The following HSD17B12 variants were observed in gnomAD, a reference collection of about 807,000 sequenced individuals.
HSD17B12 encodes hydroxysteroid 17-beta dehydrogenase 12, also known as very-long-chain 3-oxoacyl-CoA reductase.
Under a neutral mutation model 39.3 loss-of-function variants are expected in HSD17B12, and 32 were observed. That is an observed-to-expected ratio of 0.81 (90% CI 0.61 to 1.09). HSD17B12 has a LOEUF of 1.09. HSD17B12 is among the 50% of genes least tolerant of loss of function. HSD17B12 has a pLI of 0.00. For missense variants in HSD17B12, 342 were observed against 382.9 expected, an observed-to-expected ratio of 0.89 and a Z score of 0.89; for synonymous variants, 150 against 146.7, an observed-to-expected ratio of 1.02 and a Z score of -0.16.
chr11:43,692,444 G>T (rs1949871488), intron 1 of HSD17B12, among the ~76,000 whole-genome samples: 1 of 152,060 alleles, frequency 6.6e-6, no homozygotes, highest in South Asian at 2.1e-4. Context: ...GAATAGTATT[G>T]GTAACAGGCT....
chr11:43,680,926 C>T lies in HSD17B12; in HGVS notation c.99C>T (p.Ala33=), dbSNP rs371485299. The change falls in exon 1 of 11, where the codon GCC becomes GCT. Residue 33 remains alanine, a synonymous_variant. Transcript: ENST00000278353. ...ALRISYSLFT[A]LRVWGVGNEA... ...GTATTTCGTACTCGCTCTTCACGGC[C>T]CTCCGGGTCTGGGGAGTGGGGAATG... 9.7e-5 allele frequency: 157 copies of T among 1,613,486 alleles called. 3 individuals carry two copies. The highest frequency in any genetic ancestry group is 7.8e-4 in the South Asian group (71 of 91,062).
intron 1 of HSD17B12, among the ~76,000 whole-genome samples, chr11:43,748,421 G>A (rs970359009): frequency 6.6e-6 from 1 of 152,062 alleles, no homozygotes; most frequent in Admixed American, 6.6e-5. Flanking sequence ...GAGCACACGT[G>A]GAAATAAATA....
the HSD17B12 span, chr11:43,644,270 G>C: frequency 6.6e-6 from 1 of 152,338 alleles, no homozygotes; most frequent in Admixed American, 6.5e-5. Context: ...CCGAGGCAGG[G>C]AGTTGAGGGT....
rs567793363 is a variant in HSD17B12, at chr11:43,742,320, T to C, written c.161-8591T>C. ...ATTGGCTAATTTTCTTGAGTTTTTT[T>C]TTGTAGGATTGGGGTCTCGCTATGT... On this transcript the variant is annotated intron_variant, in intron 1 of 10. Coordinates refer to ENST00000278353, the MANE Select transcript of HSD17B12 (RefSeq NM_016142.3). Among the ~76,000 whole-genome samples the C allele has an allele frequency of 2.6e-5, 4 of 151,388 alleles. No homozygotes were observed. In the South Asian group the frequency reaches 8.3e-4, roughly 32 times the overall value.
At chr11:43,566,796 G>A in the HSD17B12 span, among the ~76,000 whole-genome samples, 2 of 152,200 alleles carry the variant, frequency 1.3e-5, 1 homozygote, top group Non-Finnish European at 2.9e-5. Context: ...CCAAAGTGCT[G>A]GGATTGCAGG....
At chr11:43,717,562 A>G (rs756223017) in intron 1 of HSD17B12, among the ~76,000 whole-genome samples, 1 of 152,008 alleles carries the variant, frequency 6.6e-6, no homozygotes, top group Non-Finnish European at 1.5e-5. Flanking sequence ...TCTATTCCAC[A>G]TGGTATTGGC....
At chr11:43,691,599 G>T (rs1400470784) in intron 1 of HSD17B12, among the ~76,000 whole-genome samples, 1 of 152,156 alleles carries the variant, frequency 6.6e-6, no homozygotes, top group African/African-American at 2.4e-5. Context: ...TCACTCTGGC[G>T]CAAGTTTAAT....
the HSD17B12 span, among the ~76,000 whole-genome samples, chr11:43,602,845 GAGTGTCCCCCTGTCAAGC>G: frequency 6.6e-6 from 1 of 151,944 alleles, no homozygotes; most frequent in Non-Finnish European, 1.5e-5. Context: ...ATCTGGGCCT[GAGTGTCCCCCTGTCAAGC>G]AGAAGTGATC....
intron 3 of HSD17B12, among the ~76,000 whole-genome samples, chr11:43,793,528 G>T (rs942508346): frequency 2.6e-5 from 4 of 152,152 alleles, no homozygotes; most frequent in Non-Finnish European, 5.9e-5. Context: ...TATAGAAAGA[G>T]AAATTTAAAA....
chr11:43,757,658 A>C lies in HSD17B12; in HGVS notation c.283+3537A>C, dbSNP rs1370860455. On this transcript the variant is annotated intron_variant, in intron 3 of 10. Transcript: ENST00000278353. ...CCGTCTCAAAAAAAAAAAAAAAAAA[A>C]AAAAAAAAACAAATAGGTAAAAAAC... Among the ~76,000 whole-genome samples the C allele has an allele frequency of 9.5e-4, 137 of 144,074 alleles. 3 individuals are homozygous for C. Among genetic ancestry groups the C allele is most frequent in the African/African-American group, 3.3e-3 (129 of 38,882 alleles). The allele number at this position is 144,074 out of a possible 152,430, so 94.5% of individuals were successfully genotyped here. A position where few individuals can be genotyped will look rare whatever the true frequency, so the allele number is the denominator to read the frequency against.
chr11:43,754,076 A>G lies in HSD17B12; in HGVS notation c.238A>G (p.Ile80Val), dbSNP rs778146085. ...LAKHGMKVVLISRSKDKLDQV... is the reference protein window; with the variant it reads ...LAKHGMKVVLVSRSKDKLDQV... The stretch of plus-strand genomic sequence containing the variant: ...AAAGCATGGAATGAAGGTTGTCCTT[A>G]TCAGCAGATCAAAGGATAAACTTGA... Residue 80 changes from isoleucine (I) to valine (V), a missense_variant, in exon 3 of 11, where the codon ATC becomes GTC. Transcript: ENST00000278353. The G allele has an allele frequency of 1.2e-5, 19 of 1,612,526 alleles. No homozygotes were observed. The South Asian group carries it at 2.0e-4, about 17-fold the overall frequency.
At chr11:43,720,884 G>A (rs1035076332) in intron 1 of HSD17B12, among the ~76,000 whole-genome samples, 1 of 151,926 alleles carries the variant, frequency 6.6e-6, no homozygotes, top group Admixed American at 6.6e-5. Context: ...CAAACAATTG[G>A]GAGATTTTAT....
At chr11:43,818,514 C>T (rs1008901732) in intron 6 of HSD17B12, among the ~76,000 whole-genome samples, 14 of 152,282 alleles carry the variant, frequency 9.2e-5, no homozygotes, top group Middle Eastern at 3.4e-3. Context: ...AGGCAGAATT[C>T]TCATGGGCAG....
intron 4 of HSD17B12, among the ~76,000 whole-genome samples, chr11:43,811,334 A>G (rs1795423517): frequency 6.6e-6 from 1 of 152,190 alleles, no homozygotes; most frequent in South Asian, 2.1e-4. Context: ...TCATTCCACA[A>G]GCAAAAGGTG....
At chr11:43,598,057 C>T in the HSD17B12 span, among the ~76,000 whole-genome samples, 1 of 152,162 alleles carries the variant, frequency 6.6e-6, no homozygotes, top group South Asian at 2.1e-4. Flanking sequence ...TCAGTTCCCT[C>T]TAGAACTCTG....
chr11:43,672,239 C>A, the HSD17B12 span, among the ~76,000 whole-genome samples: 2 of 151,654 alleles, frequency 1.3e-5, no homozygotes, highest in African/African-American at 4.8e-5. Context: ...TTAGTAGAGG[C>A]GGGATTTCAC....
intron 1 of HSD17B12, among the ~76,000 whole-genome samples, chr11:43,735,913 C>G (rs1449794566): frequency 6.6e-6 from 1 of 152,162 alleles, no homozygotes; most frequent in Non-Finnish European, 1.5e-5. Context: ...TTTAAACCAT[C>G]AGACCTCCTG....
At chr11:43,844,293 T>G (rs1439877355) in intron 9 of HSD17B12, among the ~76,000 whole-genome samples, 1 of 152,222 alleles carries the variant, frequency 6.6e-6, no homozygotes, top group African/African-American at 2.4e-5. Flanking sequence ...TTCCCTCAAC[T>G]TCTTAACTTC....
intron 7 of HSD17B12, chr11:43,838,047 C>G (rs540090392): frequency 4.7e-6 from 2 of 421,690 alleles, no homozygotes; most frequent in Non-Finnish European, 8.5e-6. Flanking sequence ...GAGATCAACT[C>G]GAGGAGACTG....
Sources: gnomAD v4.1 joint callset for allele counts (sites outside exome capture counted in the v4.1 genomes callset) on GRCh38, gnomAD v4.1.1 for gene constraint, MANE v1.5 for transcripts, NCBI Gene and HGNC (gene_info 2026-07-23, HGNC 2026-07-21) for gene names.